The following TBCD variants were observed in gnomAD, a reference collection of about 807,000 sequenced individuals.
TBCD encodes the protein tubulin folding cofactor D.
In TBCD, 105 loss-of-function variants were observed where a neutral mutation model predicts 169.3. That is an observed-to-expected ratio of 0.62 (90% CI 0.53 to 0.73). TBCD has a LOEUF of 0.73. Ranked by LOEUF, TBCD falls within the 30% of genes least tolerant of loss-of-function variation. The pLI is 0.00. For synonymous variants in TBCD, 700 were observed against 643.9 expected (o/e 1.09, Z -1.32); for missense variants, 1,444 against 1,600.1 (o/e 0.90, Z 1.66).
chr17:82,843,562 C>T (rs1422858525), intron 13 of TBCD, among the ~76,000 whole-genome samples: 1 of 133,184 alleles, frequency 7.5e-6, no homozygotes. Context: ...CCTTCCCCTC[C>T]CCGTCCAGCT....
At chr17:82,814,310 A>G (rs533472643) in intron 12 of TBCD, among the ~76,000 whole-genome samples, 11 of 151,970 alleles carry the variant, frequency 7.2e-5, no homozygotes, top group Non-Finnish European at 1.3e-4. Flanking sequence ...ATTTCTTTCT[A>G]TGGGAGCGTG....
rs564397369 is a variant in TBCD at position 82,787,359 on chromosome 17, C to T, written c.771+5638C>T. On this transcript the variant is annotated intron_variant, in intron 7 of 38. Coordinates refer to ENST00000355528, the MANE Select transcript of TBCD (RefSeq NM_005993.5). ...GCCGTGAAGCAACGCCTGGCGGGGCCGGGCTTCTGGCAGCTCCTGGGGCCA... is the reference window on the plus strand; with the variant it reads ...GCCGTGAAGCAACGCCTGGCGGGGCTGGGCTTCTGGCAGCTCCTGGGGCCA... Among the ~76,000 whole-genome samples, 21 of 152,332 alleles carry T rather than the reference C, an allele frequency of 1.4e-4. 1 individual carries two copies. The South Asian group carries it at 3.1e-3, about 23-fold the overall frequency.
At chr17:82,819,516 G>A (rs1221807158) in intron 13 of TBCD, among the ~76,000 whole-genome samples, 2 of 149,776 alleles carry the variant, frequency 1.3e-5, no homozygotes, top group African/African-American at 5.1e-5. Context: ...GCAACAAAAT[G>A]AGATCCTGTT....
intron 29 of TBCD, 69 bp downstream of exon 29, chr17:82,927,392 C>T: frequency 6.5e-7 from 1 of 1,536,242 alleles, no homozygotes; most frequent in Non-Finnish European, 8.8e-7. Flanking sequence ...CTCGGAGGCC[C>T]CGGGCTTTTC....
intron 7 of TBCD, among the ~76,000 whole-genome samples, chr17:82,785,221 T>C (rs559845204): frequency 6.7e-5 from 7 of 105,138 alleles, no homozygotes; most frequent in Non-Finnish European, 1.4e-4. Flanking sequence ...GTCCATGCTG[T>C]GTGACTGAGA....
At chr17:82,777,431 G>A (rs568598322) in intron 6 of TBCD, among the ~76,000 whole-genome samples, 1 of 152,306 alleles carries the variant, frequency 6.6e-6, no homozygotes, top group Non-Finnish European at 1.5e-5. Context: ...TGCAGAGACC[G>A]GTAGCGGCCC....
chr17:82,769,625 C>T (rs769235969), intron 5 of TBCD, among the ~76,000 whole-genome samples: 20 of 152,060 alleles, frequency 1.3e-4, no homozygotes, highest in Non-Finnish European at 2.8e-4. Flanking sequence ...TCCTGTAATC[C>T]CAGCACTTTG....
chr17:82,801,977 C>T (rs1256446577), intron 9 of TBCD, among the ~76,000 whole-genome samples: 6 of 150,498 alleles, frequency 4.0e-5, no homozygotes, highest in Non-Finnish European at 7.4e-5. Flanking sequence ...TCGTGTGGCT[C>T]GGGGTCAGCT....
At position 82,786,626 on chromosome 17, in the gene TBCD, G is replaced by A. The variant is rs115808749; in HGVS notation, c.771+4905G>A. On this transcript the variant is annotated intron_variant, in intron 7 of 38. Transcript: ENST00000355528. The stretch of plus-strand genomic sequence containing the variant: ...AGGGACTTGCAGGCAGGTGAGGCGT[G>A]CCACCTTCTGGCCAGGCTGGCTGTG... Among the ~76,000 whole-genome samples the A allele has an allele frequency of 9.0e-3, 1,377 of 152,264 alleles. 17 individuals carry two copies. Among genetic ancestry groups the A allele is most frequent in the African/African-American group, 0.032 (1,334 of 41,546 alleles).
intron 5 of TBCD, among the ~76,000 whole-genome samples, chr17:82,771,209 C>A (rs2048297200): frequency 6.6e-6 from 1 of 152,000 alleles, no homozygotes; most frequent in Non-Finnish European, 1.5e-5. Flanking sequence ...GTGGAGGTTT[C>A]ATGCCTGTAA....
chr17:82,938,070 C>G lies in TBCD; in HGVS notation c.3303C>G (p.Phe1101Leu). The change falls in exon 36 of 39, where the codon TTC becomes TTG. Residue 1101 changes from phenylalanine to leucine, a missense_variant. By Grantham distance (22) the Phe-to-Leu change is conservative. Transcript: ENST00000355528. ...GIAVFCEMVQ[F>L]PGDVRRQALL... ...GCAGGTTCTGCGAGATGGTGCAGTTCCCCGGCGACGTGAGGAGGCAGGCCC... is the reference window on the plus strand; with the variant it reads ...GCAGGTTCTGCGAGATGGTGCAGTTGCCCGGCGACGTGAGGAGGCAGGCCC... The G allele has an allele frequency of 6.2e-7, 1 of 1,613,068 alleles. No homozygotes were observed. Among genetic ancestry groups the G allele is most frequent in the Non-Finnish European group, 8.5e-7 (1 of 1,179,788 alleles).
At chr17:82,760,388 C>T (rs76316429) in intron 2 of TBCD, among the ~76,000 whole-genome samples, 3,358 of 152,256 alleles carry the variant, frequency 0.022, 142 homozygotes, top group African/African-American at 0.077. Flanking sequence ...TATTATGTCT[C>T]TAATTATTCA....
chr17:82,797,796 C>T lies in TBCD; in HGVS notation c.811C>T (p.Pro271Ser). ...FKHGKREDCL[P>S]YAATVLRCLD... ...ACATGGAAAACGTGAAGACTGTTTGCCCTATGGTAAGGTTTATTTTTAAGA... is the reference window on the plus strand; with the variant it reads ...ACATGGAAAACGTGAAGACTGTTTGTCCTATGGTAAGGTTTATTTTTAAGA... The change falls in exon 8 of 39, where the codon CCC becomes TCC. Residue 271 changes from proline (P) to serine (S), a missense_variant. Pro to Ser is a moderately conservative substitution (Grantham distance 74). Transcript: ENST00000355528. The T allele has an allele frequency of 6.4e-7, 1 of 1,574,540 alleles. No individual in the cohort carries two copies. The highest frequency in any genetic ancestry group is 1.4e-5 in the African/African-American group (1 of 72,344).
chr17:82,839,271 A>G (rs1046941626), intron 13 of TBCD, among the ~76,000 whole-genome samples: 1 of 152,216 alleles, frequency 6.6e-6, no homozygotes, highest in Non-Finnish European at 1.5e-5. Flanking sequence ...ACACATATAT[A>G]TAACCCTAAA....
At position 82,870,372 on chromosome 17, in the gene TBCD, A is replaced by G. The variant is rs139629551; in HGVS notation, c.1467A>G (p.Ala489=). 3.2e-3 allele frequency: 5,146 copies of G among 1,612,794 alleles called. 11 individuals carry two copies. The highest frequency in any genetic ancestry group is 4.1e-3 in the Non-Finnish European group (4,859 of 1,179,580). Residue 489 remains alanine (A), a synonymous_variant, in exon 14 of 39, where the codon GCA becomes GCG. Coordinates refer to ENST00000355528, the MANE Select transcript of TBCD (RefSeq NM_005993.5). ...AGGAGCTGAAGCCCTTTGTGACTGC[A>G]ATCTCGAGGTAGGCCCATTCGTCGA... The part of the protein sequence containing the change: ...EPQELKPFVT[A]ISSALVIAAV...
At chr17:82,786,532 G>A (rs753538855) in intron 7 of TBCD, among the ~76,000 whole-genome samples, 6 of 152,176 alleles carry the variant, frequency 3.9e-5, no homozygotes, top group Non-Finnish European at 5.9e-5. Flanking sequence ...CTCCTCTGCC[G>A]TCCCCACCCC....
At chr17:82,784,934 C>T (rs534209708) in intron 7 of TBCD, among the ~76,000 whole-genome samples, 113 of 152,016 alleles carry the variant, frequency 7.4e-4, no homozygotes, top group African/African-American at 2.5e-3. Context: ...CCCATCGCAG[C>T]GACAGGGGGT....
At chr17:82,791,243 C>T (rs1160281292) in intron 7 of TBCD, among the ~76,000 whole-genome samples, 1 of 152,092 alleles carries the variant, frequency 6.6e-6, no homozygotes, top group African/African-American at 2.4e-5. Context: ...AGGCACCCTC[C>T]ACCACGCCTG....
intron 2 of TBCD, among the ~76,000 whole-genome samples, chr17:82,757,411 G>T (rs1008528110): frequency 1.3e-5 from 2 of 151,750 alleles, no homozygotes; most frequent in African/African-American, 4.8e-5. Flanking sequence ...ACTTGAGGTC[G>T]GGAGTTCGAG....
Sources: allele counts gnomAD v4.1 joint callset (sites outside exome capture counted in the v4.1 genomes callset), GRCh38; gene constraint gnomAD v4.1.1; transcripts MANE v1.5; gene names NCBI Gene and HGNC (gene_info 2026-07-23, HGNC 2026-07-21).